Variants in DGKB observed in about 807,000 individuals in gnomAD.
The protein encoded by DGKB is 90 kDa diacylglycerol kinase.
Under a neutral mutation model 114.3 loss-of-function variants are expected in DGKB, and 67 were observed. The observed-to-expected ratio is 0.59, with a 90% confidence interval of 0.48 to 0.72. DGKB has a LOEUF of 0.72. Ranked by LOEUF, DGKB falls within the 30% of genes least tolerant of loss-of-function variation. The pLI, the probability that DGKB is intolerant of heterozygous loss-of-function variation, is 0.00. For synonymous variants in DGKB, 398 were observed against 323.1 expected, an observed-to-expected ratio of 1.23 and a Z score of -2.49; for missense variants, 907 against 975.2, an observed-to-expected ratio of 0.93 and a Z score of 0.93.
At chr7:14,311,659 C>A (rs906784017) in intron 23 of DGKB, among the ~76,000 whole-genome samples, 4 of 151,910 alleles carry the variant, frequency 2.6e-5, no homozygotes, top group African/African-American at 7.2e-5. Context: ...CTCCCGGGCT[C>A]AAGTGATGTG....
intron 21 of DGKB, among the ~76,000 whole-genome samples, chr7:14,378,313 G>C (rs1206343516): frequency 6.6e-6 from 1 of 151,970 alleles, no homozygotes. Context: ...TAATCCATTT[G>C]CCCACATAAA....
At chr7:14,905,656 T>G (rs17168509), upstream of DGKB, among the ~76,000 whole-genome samples, 1,782 of 152,274 alleles carry the variant, frequency 0.012, 39 homozygotes, top group African/African-American at 0.04. Context: ...AAACAAGTAT[T>G]CCCAAACTAA....
At chr7:14,938,939 T>C (rs891610809) in intron 1 of DGKB, among the ~76,000 whole-genome samples, 1 of 152,314 alleles carries the variant, frequency 6.6e-6, no homozygotes, top group Admixed American at 6.5e-5. Flanking sequence ...TAATTCTCTA[T>C]GAAATGAGGT....
intron 13 of DGKB, among the ~76,000 whole-genome samples, chr7:14,669,879 C>A (rs938421780): frequency 6.6e-6 from 1 of 152,130 alleles, no homozygotes; most frequent in Non-Finnish European, 1.5e-5. Context: ...GTCTACCTGA[C>A]TTGGGATAAT....
At position 14,651,841 on chromosome 7, in the gene DGKB, CT is replaced by C. The variant is rs1358575784; in HGVS notation, c.1134+21087del. ...TCAATGTACAAAAATCACAAGCATT[CT>C]TATACACCAATAACAGACAAACAGA... On this transcript the variant is annotated intron_variant, in intron 13 of 25. Transcript: ENST00000402815. Among the ~76,000 whole-genome samples, 465 of 133,736 alleles carry C rather than the reference CT, an allele frequency of 3.5e-3. 1 individual carries two copies. The highest frequency in any genetic ancestry group is 5.9e-3 in the Admixed American group (74 of 12,540). 87.7% of individuals were successfully genotyped at this position (133,736 alleles called of 152,430 possible).
intron 20 of DGKB, among the ~76,000 whole-genome samples, chr7:14,494,610 AC>A (rs1785045039): frequency 6.6e-6 from 1 of 151,948 alleles, no homozygotes; most frequent in East Asian, 1.9e-4. Flanking sequence ...AGTCTCACAA[AC>A]AAAATATTAT....
intron 1 of DGKB, among the ~76,000 whole-genome samples, chr7:14,967,954 G>A (rs1337695193): frequency 6.6e-6 from 1 of 152,046 alleles, no homozygotes; most frequent in Admixed American, 6.6e-5. Flanking sequence ...AATTACTGAG[G>A]ATTAATGAGT....
intron 1 of DGKB, among the ~76,000 whole-genome samples, chr7:14,953,772 A>G (rs1195400859): frequency 6.6e-6 from 1 of 152,124 alleles, no homozygotes; most frequent in Non-Finnish European, 1.5e-5. Flanking sequence ...TATTCATACT[A>G]AACAAGAACT....
At chr7:14,460,895 A>G (rs1474523376) in intron 21 of DGKB, among the ~76,000 whole-genome samples, 2 of 152,098 alleles carry the variant, frequency 1.3e-5, no homozygotes, top group Middle Eastern at 6.3e-3. Flanking sequence ...GGAAATCATA[A>G]CAGTCTCTCA....
At chr7:14,941,407 T>C (rs1226008725) in intron 1 of DGKB, among the ~76,000 whole-genome samples, 1 of 152,066 alleles carries the variant, frequency 6.6e-6, no homozygotes, top group Non-Finnish European at 1.5e-5. Flanking sequence ...GCTGAATGAA[T>C]TGAATAGGAA....
intron 23 of DGKB, among the ~76,000 whole-genome samples, chr7:14,238,776 C>A (rs982387456): frequency 6.6e-6 from 1 of 151,576 alleles, no homozygotes; most frequent in African/African-American, 2.4e-5. Context: ...GGTGGAATTT[C>A]ATATTATATC....
chr7:14,644,042 A>G (rs1421881903), intron 13 of DGKB, among the ~76,000 whole-genome samples: 1 of 152,048 alleles, frequency 6.6e-6, no homozygotes, highest in Non-Finnish European at 1.5e-5. Flanking sequence ...AAAGAAAGTT[A>G]TGACAGAGCC....
chr7:14,253,328 G>A (rs906299304), intron 23 of DGKB, among the ~76,000 whole-genome samples: 4 of 152,070 alleles, frequency 2.6e-5, no homozygotes, highest in African/African-American at 4.8e-5. Context: ...CACCAAACTC[G>A]GCCACTTAAA....
chr7:14,191,409 T>C, intron 23 of DGKB: 1 of 163,992 alleles, frequency 6.1e-6, no homozygotes, highest in East Asian at 1.9e-4. Flanking sequence ...CTAACATGCA[T>C]TGGTTCAAGG....
chr7:14,942,866 A>G (rs1785645619), intron 1 of DGKB, among the ~76,000 whole-genome samples: 1 of 151,888 alleles, frequency 6.6e-6, no homozygotes, highest in African/African-American at 2.4e-5. Flanking sequence ...ATCATGAATT[A>G]TTTTATTTTC....
chr7:14,645,908 G>A (rs371807158), intron 13 of DGKB, among the ~76,000 whole-genome samples: 2 of 152,092 alleles, frequency 1.3e-5, no homozygotes, highest in South Asian at 4.1e-4. Context: ...GGAATGAAAT[G>A]TTATTTCTAC....
intron 20 of DGKB, among the ~76,000 whole-genome samples, chr7:14,567,678 C>T (rs1298063425): frequency 6.8e-6 from 1 of 146,838 alleles, no homozygotes; most frequent in East Asian, 2.0e-4. Context: ...GCGATCTCGG[C>T]TCACTGCAAC....
intron 23 of DGKB, among the ~76,000 whole-genome samples, chr7:14,231,449 C>G (rs1584603925): frequency 6.6e-6 from 1 of 151,830 alleles, no homozygotes; most frequent in Non-Finnish European, 1.5e-5. Context: ...TTTCTGATAA[C>G]ATTCTACAAA....
At position 14,910,314 on chromosome 7, in the gene DGKB, GAAC is replaced by G. The variant is rs1224148163; in HGVS notation, c.-188+64379_-188+64381del. 7.6e-5 allele frequency among the ~76,000 whole-genome samples: 10 copies of G among 132,366 alleles called. No individual in the cohort carries two copies. The East Asian group carries it at 2.2e-3, about 30-fold the overall frequency. The allele number at this position is 132,366 out of a possible 152,430, so 86.8% of individuals were successfully genotyped here. A position where few individuals can be genotyped will look rare whatever the true frequency, so the allele number is the denominator to read the frequency against. On this transcript the variant is annotated intron_variant, in intron 1 of 4. Coordinates refer to the DGKB transcript ENST00000437998. ...AGAAAGAAAGAAAGAAAGAAAGAAA[GAAC>G]CTTATATATTAGGAGAAGGCAAAAA...
Sources: gnomAD v4.1 joint callset for allele counts (sites outside exome capture counted in the v4.1 genomes callset) on GRCh38, gnomAD v4.1.1 for gene constraint, MANE v1.5 for transcripts, NCBI Gene and HGNC (gene_info 2026-07-23, HGNC 2026-07-21) for gene names.